Variants in PDE10A observed in about 807,000 individuals in gnomAD.
PDE10A encodes the protein phosphodiesterase 10A, also known as cAMP and cAMP-inhibited cGMP 3',5'-cyclic phosphodiesterase 10A.
A neutral mutation model predicts 97.7 loss-of-function variants in PDE10A; 39 were observed. The ratio of observed to expected loss-of-function variants is 0.40; its 90% CI spans 0.31 to 0.52. The LOEUF is 0.52. Ranked by LOEUF, PDE10A falls within the 20% of genes least tolerant of loss-of-function variation. The pLI, the probability that PDE10A is intolerant of heterozygous loss-of-function variation, is 0.56. For synonymous variants in PDE10A, 371 were observed against 376.8 expected, an observed-to-expected ratio of 0.98 and a Z score of 0.18; for missense variants, 731 against 1,047.8, an observed-to-expected ratio of 0.70 and a Z score of 4.17.
intron 13 of PDE10A, among the ~76,000 whole-genome samples, chr6:165,403,114 A>G (rs1298329052): frequency 6.6e-6 from 1 of 152,206 alleles, no homozygotes; most frequent in African/African-American, 2.4e-5. Flanking sequence ...CCAAGAATGT[A>G]ACGTTCAATG....
intron 1 of PDE10A, among the ~76,000 whole-genome samples, chr6:165,691,484 T>C (rs1209056052): frequency 1.3e-5 from 2 of 152,154 alleles, no homozygotes; most frequent in South Asian, 4.1e-4. Flanking sequence ...TACTCTGTGA[T>C]GTTCTTAGAC....
intron 1 of PDE10A, among the ~76,000 whole-genome samples, chr6:165,718,956 A>G (rs1328876655): frequency 6.6e-6 from 1 of 152,220 alleles, no homozygotes; most frequent in Non-Finnish European, 1.5e-5. Flanking sequence ...AAGAAAAGAT[A>G]TTGCATTCAT....
At chr6:165,705,811 G>A (rs954487001) in intron 1 of PDE10A, among the ~76,000 whole-genome samples, 1 of 152,150 alleles carries the variant, frequency 6.6e-6, no homozygotes, top group African/African-American at 2.4e-5. Context: ...AGCAAGCAAT[G>A]GGAATTTTTA....
chr6:165,431,809 T>C (rs2128238136), intron 7 of PDE10A, among the ~76,000 whole-genome samples: 1 of 151,754 alleles, frequency 6.6e-6, no homozygotes, highest in East Asian at 1.9e-4. Context: ...AATGTTCTCT[T>C]GTTCATCTTA....
rs754505361 is a variant in PDE10A at position 165,396,400 on chromosome 6, G to A, written c.2136C>T (p.Ser712=). ...CIYRVTMEKL[S]YHSICTSEEW... Reference sequence around the variant, plus strand: ...CTTCTGAAGTACAAATGCTATGGTAGGACAGCTTTTCCATCGTTACCCGGT... The same window carrying A: ...CTTCTGAAGTACAAATGCTATGGTAAGACAGCTTTTCCATCGTTACCCGGT... Residue 712 remains serine (S), a synonymous_variant, in exon 14 of 22, where the codon TCC becomes TCT. Transcript: ENST00000539869. 6.2e-6 allele frequency: 10 copies of A among 1,612,844 alleles called. No homozygotes were observed. The highest frequency in any genetic ancestry group is 1.3e-5 in the African/African-American group (1 of 74,804).
chr6:165,963,304 C>G (rs1158997494), intron 1 of PDE10A, among the ~76,000 whole-genome samples: 1 of 152,224 alleles, frequency 6.6e-6, no homozygotes, highest in Non-Finnish European at 1.5e-5. Context: ...TGACTTACAT[C>G]TGAATAATGC....
chr6:165,772,824 A>G (rs1335994586), intron 1 of PDE10A, among the ~76,000 whole-genome samples: 1 of 152,198 alleles, frequency 6.6e-6, no homozygotes, highest in African/African-American at 2.4e-5. Flanking sequence ...GCAACAATGT[A>G]GCATTTGGAA....
At chr6:165,439,974 A>G (rs1271441068) in intron 5 of PDE10A, among the ~76,000 whole-genome samples, 1 of 152,200 alleles carries the variant, frequency 6.6e-6, no homozygotes, top group Non-Finnish European at 1.5e-5. Flanking sequence ...CACAATTCAA[A>G]CATCACTTTA....
intron 1 of PDE10A, among the ~76,000 whole-genome samples, chr6:165,766,429 A>G (rs1029798714): frequency 4.6e-5 from 7 of 152,214 alleles, no homozygotes; most frequent in African/African-American, 7.2e-5. Context: ...CTCACTGTTA[A>G]TTTGGCACAG....
chr6:165,605,015 G>A (rs1787141692), intron 1 of PDE10A, among the ~76,000 whole-genome samples: 1 of 152,134 alleles, frequency 6.6e-6, no homozygotes, highest in African/African-American at 2.4e-5. Context: ...TTAGAAGTGT[G>A]GTAGCTCTCC....
chr6:165,808,300 T>C (rs1394129735), intron 1 of PDE10A, among the ~76,000 whole-genome samples: 2 of 152,188 alleles, frequency 1.3e-5, no homozygotes, highest in Non-Finnish European at 2.9e-5. Flanking sequence ...GTCCCTCTGG[T>C]CCTCCTCCCA....
intron 1 of PDE10A, among the ~76,000 whole-genome samples, chr6:165,746,816 G>A (rs531961082): frequency 4.8e-4 from 73 of 152,156 alleles, no homozygotes; most frequent in Non-Finnish European, 7.6e-4. Flanking sequence ...TTCAAAATAC[G>A]GATATATATA....
intron 1 of PDE10A, among the ~76,000 whole-genome samples, chr6:165,974,628 A>G (rs1029424517): frequency 3.3e-5 from 5 of 152,248 alleles, no homozygotes; most frequent in African/African-American, 1.2e-4. Flanking sequence ...TGGACATAAG[A>G]TATTAAGACT....
At chr6:165,420,867 AT>A (rs1489938102) in intron 10 of PDE10A, among the ~76,000 whole-genome samples, 2 of 152,270 alleles carry the variant, frequency 1.3e-5, no homozygotes, top group East Asian at 1.9e-4. Flanking sequence ...GAAAAGAACA[AT>A]TTTTTCCAGT....
At position 165,711,676 on chromosome 6, in the gene PDE10A, C is replaced by G. The variant is rs993359547; in HGVS notation, c.-614-168108G>C. Among the ~76,000 whole-genome samples, 1 of 152,124 alleles carries G rather than the reference C, an allele frequency of 6.6e-6. No individual in the cohort carries two copies. The highest frequency in any genetic ancestry group is 1.5e-5 in the Non-Finnish European group (1 of 68,022). ...AAGATGAAAAGTGAGACTCAGGAAG[C>G]CCCTTTAATACCTGCTGAGCTACGT... On this transcript the variant is annotated intron_variant, in intron 1 of 19. Coordinates refer to the PDE10A transcript ENST00000366882. This position sits in a 1 kb window ranked among gnomAD's most constrained non-coding sequence, Gnocchi z 4.5.
chr6:165,916,839 A>T (rs572219952), intron 1 of PDE10A, among the ~76,000 whole-genome samples: 18 of 152,202 alleles, frequency 1.2e-4, no homozygotes, highest in Admixed American at 3.3e-4. Flanking sequence ...CATTACAGCA[A>T]ATGAAACACC....
intron 1 of PDE10A, among the ~76,000 whole-genome samples, chr6:165,910,649 A>G (rs889426950): frequency 6.6e-6 from 1 of 152,184 alleles, no homozygotes. Context: ...CAATTTCTCC[A>G]TTTCCACCCC....
At chr6:165,553,691 T>C (rs1204089722) in intron 1 of PDE10A, among the ~76,000 whole-genome samples, 1 of 152,242 alleles carries the variant, frequency 6.6e-6, no homozygotes, top group African/African-American at 2.4e-5. Context: ...ACAATTTGCA[T>C]TTATCAGAAG....
intron 1 of PDE10A, among the ~76,000 whole-genome samples, chr6:165,648,287 C>G (rs757935722): frequency 1.4e-4 from 22 of 152,248 alleles, no homozygotes; most frequent in Non-Finnish European, 2.5e-4. Context: ...GCTGGGATTA[C>G]AGGGGTGACC....
Sources: allele counts gnomAD v4.1 joint callset (sites outside exome capture counted in the v4.1 genomes callset), GRCh38; gene constraint gnomAD v4.1.1; non-coding constraint Gnocchi (gnomAD v3.1); transcripts MANE v1.5; gene names NCBI Gene and HGNC (gene_info 2026-07-23, HGNC 2026-07-21).